The following CFAP54 variants were observed in gnomAD, a reference collection of about 807,000 sequenced individuals.
The protein encoded by CFAP54 is cilia and flagella associated protein 54.
A neutral mutation model predicts 370.4 loss-of-function variants in CFAP54; 290 were observed. That is an observed-to-expected ratio of 0.78 (90% CI 0.71 to 0.86). The LOEUF (loss-of-function observed/expected upper bound fraction) is 0.86. CFAP54 is among the 40% of genes least tolerant of loss of function. The pLI is 0.00. For missense variants in CFAP54, 3,399 were observed against 3,528.7 expected (o/e 0.96, Z 0.93); for synonymous variants, 1,206 against 1,236.5 (o/e 0.98, Z 0.52).
chr12:96,672,642 A>G lies in CFAP54; in HGVS notation c.5564-6958A>G, dbSNP rs1033921536. Among the ~76,000 whole-genome samples the G allele has an allele frequency of 6.5e-4, 99 of 152,318 alleles. 1 individual carries two copies. Among genetic ancestry groups the G allele is most frequent in the African/African-American group, 2.1e-3 (89 of 41,572 alleles). Reference sequence around the variant, plus strand: ...GAAGACCACCTTCTTATGGTCAATCATGTGTGATGAGTTTTTTTCAGAGTA... The same window carrying G: ...GAAGACCACCTTCTTATGGTCAATCGTGTGTGATGAGTTTTTTTCAGAGTA... On this transcript the variant is annotated intron_variant, in intron 39 of 67. Coordinates refer to ENST00000524981, the MANE Select transcript of CFAP54 (RefSeq NM_001306084.2).
At chr12:96,860,259 T>TCCTTTCCGTCATTTTTGTTC (rs1959844304) in intron 66 of CFAP54, among the ~76,000 whole-genome samples, 1 of 152,080 alleles carries the variant, frequency 6.6e-6, no homozygotes, top group African/African-American at 2.4e-5. Flanking sequence ...AACATTTGTT[T>TCCTTTCCGTCATTTTTGTTC]TCTTTCCGTC....
intron 66 of CFAP54, among the ~76,000 whole-genome samples, chr12:96,855,352 C>G (rs763905634): frequency 5.3e-5 from 8 of 152,148 alleles, no homozygotes; most frequent in Non-Finnish European, 8.8e-5. Flanking sequence ...TAACAGTCCC[C>G]CAAAGTCTTA....
At chr12:96,591,170 C>T (rs548582915) in intron 23 of CFAP54, among the ~76,000 whole-genome samples, 8 of 152,054 alleles carry the variant, frequency 5.3e-5, no homozygotes, top group African/African-American at 1.9e-4. Context: ...GAGGGACTGG[C>T]CAGAGATATT....
At chr12:96,653,681 C>A (rs1462117062) in intron 36 of CFAP54, among the ~76,000 whole-genome samples, 1 of 151,174 alleles carries the variant, frequency 6.6e-6, no homozygotes, top group Non-Finnish European at 1.5e-5. Context: ...TATCAATTAT[C>A]TAAATGTTTA....
At position 96,758,946 on chromosome 12, in the gene CFAP54, A is replaced by G. The variant is rs781323476; in HGVS notation, c.8040+1358A>G. On this transcript the variant is annotated intron_variant, in intron 58 of 67. Coordinates refer to ENST00000524981, the MANE Select transcript of CFAP54 (RefSeq NM_001306084.2). The stretch of plus-strand genomic sequence containing the variant: ...CAGGGAGATCCCAGATGCAGGAATA[A>G]TTTGGGTGGGTTTGAGGTATATGAA... Among the ~76,000 whole-genome samples, 4 of 152,258 alleles carry G rather than the reference A, an allele frequency of 2.6e-5. 1 individual carries two copies. The Middle Eastern group carries it at 0.01, about 388-fold the overall frequency.
At chr12:96,538,284 G>A (rs1198036470) in intron 12 of CFAP54, 100 bp from the exon 13 acceptor site, 2 of 1,019,292 alleles carry the variant, frequency 2.0e-6, no homozygotes, top group South Asian at 1.7e-5. Flanking sequence ...CAACATGTTA[G>A]TATTTGTAAA....
chr12:96,699,535 C>G (rs2136576070), intron 45 of CFAP54, among the ~76,000 whole-genome samples: 1 of 152,224 alleles, frequency 6.6e-6, no homozygotes, highest in Middle Eastern at 3.4e-3. Flanking sequence ...TATGTTGATA[C>G]ATTGTGGAGT....
intron 66 of CFAP54, among the ~76,000 whole-genome samples, chr12:96,835,181 A>C (rs1959182259): frequency 6.6e-6 from 1 of 152,018 alleles, no homozygotes; most frequent in Non-Finnish European, 1.5e-5. Context: ...ACATCTCTGC[A>C]GGTCTCTGAA....
intron 27 of CFAP54, among the ~76,000 whole-genome samples, chr12:96,622,207 A>G (rs922084706): frequency 2.0e-5 from 3 of 152,028 alleles, no homozygotes; most frequent in Non-Finnish European, 2.9e-5. Flanking sequence ...TTAACTTTTA[A>G]TATCTGCCTT....
chr12:96,737,285 C>T (rs1387251739), intron 50 of CFAP54, among the ~76,000 whole-genome samples: 2 of 151,832 alleles, frequency 1.3e-5, no homozygotes, highest in South Asian at 2.1e-4. Flanking sequence ...ACCTTGTAGA[C>T]TTGTGGTGGG....
Position 96,742,573 on chromosome 12 carries a change from TG to T in CFAP54, c.7208del (p.Gly2403GlufsTer3), listed in dbSNP as rs867468636. On this transcript the variant is annotated frameshift_variant, in exon 52 of 68. Coordinates refer to ENST00000524981, the MANE Select transcript of CFAP54 (RefSeq NM_001306084.2). LOFTEE classifies it high-confidence loss of function. ...CATTTGTTGCACAGATTCATGGCAT[TG>T]GAATTGTGAAAGGTACAAACATTTG... ...TAFVAQIHGI[G>X]IVKEDDMTDC... 1.7e-5 allele frequency: 28 copies of T among 1,612,334 alleles called. No homozygotes were observed. Among genetic ancestry groups the T allele is most frequent in the Non-Finnish European group, 2.2e-5 (26 of 1,179,346 alleles).
Position 96,789,617 on chromosome 12 carries a change from A to G in CFAP54, c.8680-2712A>G, listed in dbSNP as rs895449796. Among the ~76,000 whole-genome samples the G allele has an allele frequency of 2.0e-5, 3 of 152,206 alleles. 1 individual carries two copies. Among genetic ancestry groups the G allele is most frequent in the African/African-American group, 7.2e-5 (3 of 41,444 alleles). ...ACAAGGAGCTCTGCTTGAGTATTTT[A>G]GTATTAAGGGCAGCCTATCATTACC... On this transcript the variant is annotated intron_variant, in intron 62 of 67. Transcript: ENST00000524981.
chr12:96,511,257 A>T (rs946292328), intron 4 of CFAP54, among the ~76,000 whole-genome samples: 1 of 152,180 alleles, frequency 6.6e-6, no homozygotes, highest in African/African-American at 2.4e-5. Flanking sequence ...TATTATGCTT[A>T]TAGTTGTGTT....
In CFAP54 at chr12:96,621,686, G is replaced by A. The variant is rs1565917659; in HGVS notation, c.3736G>A (p.Asp1246Asn). ...CACACCAGGATGCAAGTCTCTGTTT[G>A]ATGGTAGTAATGAACAAGAAGAAAT... ...DITPGCKSLF[D>N]GSNEQEEMPE... is the part of the protein sequence containing the mutation. Residue 1246 changes from aspartate to asparagine, a missense_variant, in exon 27 of 68, where the codon GAT becomes AAT. Physicochemically the swap from Asp to Asn is conservative, Grantham distance 23. Around this residue, in one of 3 missense-constraint regions of CFAP54, gnomAD observed 2,796 missense variants for 2,869.7 expected, o/e 0.97. Transcript: ENST00000524981. 1 of 1,528,332 alleles carries A rather than the reference G, an allele frequency of 6.5e-7. No homozygotes were observed. The highest frequency in any genetic ancestry group is 2.5e-5 in the East Asian group (1 of 40,696). 94.7% of individuals were successfully genotyped at this position (1,528,332 alleles called of 1,614,324 possible).
chr12:96,775,891 C>T (rs944640820), intron 60 of CFAP54, among the ~76,000 whole-genome samples: 2 of 152,084 alleles, frequency 1.3e-5, no homozygotes, highest in African/African-American at 4.8e-5. Context: ...TATTTTCAAA[C>T]TTTTGAAATA....
At chr12:96,682,970 T>A (rs1957288446) in intron 40 of CFAP54, among the ~76,000 whole-genome samples, 1 of 152,218 alleles carries the variant, frequency 6.6e-6, no homozygotes, top group African/African-American at 2.4e-5. Flanking sequence ...ATTTTCCTTG[T>A]CTTTCCCTTG....
chr12:96,684,722 G>A lies in CFAP54; in HGVS notation c.5791G>A (p.Ala1931Thr), dbSNP rs143380091. Residue 1931 changes from alanine to threonine, a missense_variant, in exon 41 of 68, where the codon GCA (alanine) becomes ACA (threonine). Ala to Thr is a moderately conservative substitution (Grantham distance 58). Transcript: ENST00000524981. ...LHSLGSLLIF[A>T]EKKRAAFKCW... ...TTCACTTGGAAGTCTTCTCATCTTC[G>A]CAGAAAAGAAAAGGTAGATTTTTAG... 17 of 1,610,152 alleles carry A rather than the reference G, an allele frequency of 1.1e-5. No homozygotes were observed. The highest frequency in any genetic ancestry group is 2.7e-5 in the African/African-American group (2 of 74,676).
Position 96,853,371 on chromosome 12 carries a change from G to T in CFAP54, c.9172-7448G>T, listed in dbSNP as rs553476436. Among the ~76,000 whole-genome samples, 34 of 152,040 alleles carry T rather than the reference G, an allele frequency of 2.2e-4. No homozygotes were observed. In the South Asian group the frequency reaches 4.4e-3, roughly 20 times the overall value. ...AACAAATACATATATATACACACCT[G>T]GTCAGTGACTAGGAGGGAGCACCAG... is the stretch of plus-strand genomic sequence containing the variant. On this transcript the variant is annotated intron_variant, in intron 66 of 67. Transcript: ENST00000524981.
intron 23 of CFAP54, 100 bp downstream of exon 23, chr12:96,589,663 C>A: frequency 3.1e-6 from 2 of 644,088 alleles, no homozygotes; most frequent in Non-Finnish European, 4.8e-6. Context: ...TTCAGATAGT[C>A]CATATACAAT....
Sources: allele counts gnomAD v4.1 joint callset (sites outside exome capture counted in the v4.1 genomes callset), GRCh38; gene constraint gnomAD v4.1.1; regional missense constraint gnomAD v4.1.1; transcripts MANE v1.5; gene names NCBI Gene and HGNC (gene_info 2026-07-23, HGNC 2026-07-21).